VGLL4: variants seen among roughly 807,000 people sequenced by gnomAD.
VGLL4 encodes the protein transcription cofactor vestigial-like protein 4.
Under a neutral mutation model 21.0 loss-of-function variants are expected in VGLL4, and 7 were observed. The ratio of observed to expected loss-of-function variants is 0.33; its 90% CI spans 0.19 to 0.63. The LOEUF is 0.63. Among genes scored for constraint, VGLL4 ranks in the 20% least tolerant of loss-of-function variants. VGLL4 has a pLI of 0.78. For synonymous variants in VGLL4, 222 were observed against 173.2 expected (o/e 1.28, Z -2.21); for missense variants, 394 against 425.7 (o/e 0.93, Z 0.66).
intron 2 of VGLL4, among the ~76,000 whole-genome samples, chr3:11,662,026 G>A (rs891150913): frequency 6.6e-6 from 1 of 152,226 alleles, no homozygotes; most frequent in Non-Finnish European, 1.5e-5. Flanking sequence ...ATTGGCTCAA[G>A]AAGGAGCACA....
Position 11,559,539 on chromosome 3 carries a change from G to A in VGLL4, c.496-84C>T, listed in dbSNP as rs988317011. 3.6e-5 allele frequency: 51 copies of A among 1,434,438 alleles called. No individual in the cohort carries two copies. In the African/African-American group the frequency reaches 7.0e-4, roughly 20 times the overall value. 88.9% of individuals were successfully genotyped at this position (1,434,438 alleles called of 1,614,324 possible). On this transcript the variant is annotated intron_variant, in intron 3 of 4. Coordinates refer to ENST00000430365, the MANE Select transcript of VGLL4 (RefSeq NM_001128219.3). ...TGGGGCCCTCCCCAGCACCCTTCAG[G>A]CTCTGTCCTGGTGCCCTTCCTGACC...
chr3:11,674,366 A>C (rs2076260485), intron 2 of VGLL4, among the ~76,000 whole-genome samples: 1 of 152,182 alleles, frequency 6.6e-6, no homozygotes, highest in African/African-American at 2.4e-5. Flanking sequence ...CAGACACGGA[A>C]CTGCGGCTAG....
At chr3:11,645,709 C>A (rs938430454), upstream of VGLL4, among the ~76,000 whole-genome samples, 62 of 151,758 alleles carry the variant, frequency 4.1e-4, no homozygotes, top group African/African-American at 1.5e-3. Context: ...CGGTGGCTCA[C>A]GCGTGTAATC....
At position 11,714,906 on chromosome 3, in the gene VGLL4, C is replaced by T. The variant is rs369447444; in HGVS notation, c.-14+5488G>A. ...ACCCCAGCAGTTTGGGAGGCTGAGG[C>T]GGGCGGATCACGAGGTCAGGAGATC... On this transcript the variant is annotated intron_variant, in intron 1 of 5. Coordinates refer to the VGLL4 transcript ENST00000273038. 1.4e-4 allele frequency among the ~76,000 whole-genome samples: 22 copies of T among 152,092 alleles called. No homozygotes were observed. In the South Asian group the frequency reaches 2.1e-3, roughly 14 times the overall value.
intron 2 of VGLL4, among the ~76,000 whole-genome samples, chr3:11,680,172 G>A (rs558176532): frequency 1.3e-5 from 2 of 152,316 alleles, no homozygotes; most frequent in South Asian, 2.1e-4. Flanking sequence ...CACAGCCTAG[G>A]TGTGCAGTGG....
rs1474063169 is a variant in VGLL4, at chr3:11,568,979, A to G, written c.273-3960T>C. The G allele has an allele frequency of 2.6e-5, 30 of 1,153,556 alleles. No individual in the cohort carries two copies. In the East Asian group the frequency reaches 1.7e-3, roughly 67 times the overall value. 71.5% of individuals were successfully genotyped at this position (1,153,556 alleles called of 1,614,324 possible). On this transcript the variant is annotated intron_variant, in intron 2 of 4. Coordinates refer to ENST00000430365, the MANE Select transcript of VGLL4 (RefSeq NM_001128219.3). This position sits in a 1 kb window ranked among gnomAD's most constrained non-coding sequence, Gnocchi z 5.9. ...ATGGAAAGAGGAGGGAGGGAAAGAG[A>G]GGCCTACAACACCATCATCCAGGAC...
intron 1 of VGLL4, among the ~76,000 whole-genome samples, chr3:11,602,703 A>G (rs1165961100): frequency 1.3e-5 from 2 of 152,196 alleles, no homozygotes; most frequent in Non-Finnish European, 2.9e-5. Context: ...TTTCGAAGTT[A>G]GGCAATCAAA....
At chr3:11,684,768 G>A (rs929224392) in intron 2 of VGLL4, among the ~76,000 whole-genome samples, 4 of 118,956 alleles carry the variant, frequency 3.4e-5, no homozygotes, top group Non-Finnish European at 7.8e-5. Context: ...AAACAGAAAA[G>A]TAAAATTTCT....
At chr3:11,577,223 CT>C (rs1389737511) in intron 2 of VGLL4, among the ~76,000 whole-genome samples, 1 of 152,238 alleles carries the variant, frequency 6.6e-6, no homozygotes, top group East Asian at 1.9e-4. Flanking sequence ...GCACTGTCAT[CT>C]TTCAAAATTT....
intron 3 of VGLL4, among the ~76,000 whole-genome samples, chr3:11,562,408 C>T (rs1240481726): frequency 6.6e-6 from 1 of 152,214 alleles, no homozygotes; most frequent in East Asian, 1.9e-4. Flanking sequence ...AGGAAGGCTT[C>T]CACCGTGCCC....
chr3:11,641,041 C>A (rs12638744), intron 1 of VGLL4, among the ~76,000 whole-genome samples: 1 of 149,746 alleles, frequency 6.7e-6, no homozygotes, highest in African/African-American at 2.5e-5. Context: ...GGCTTGAACC[C>A]GGGAGGCAGA....
chr3:11,721,570 C>G (rs1377893116), upstream of VGLL4, among the ~76,000 whole-genome samples: 1 of 152,208 alleles, frequency 6.6e-6, no homozygotes, highest in Non-Finnish European at 1.5e-5. Context: ...TACATAGACT[C>G]CGTTTTAGTC....
intron 1 of VGLL4, among the ~76,000 whole-genome samples, chr3:11,633,884 G>A (rs999071878): frequency 6.6e-6 from 1 of 152,084 alleles, no homozygotes. Flanking sequence ...GAGGTAAGCC[G>A]GAATGATATT....
At chr3:11,637,278 T>G (rs555427166) in intron 1 of VGLL4, among the ~76,000 whole-genome samples, 1 of 152,244 alleles carries the variant, frequency 6.6e-6, no homozygotes. Flanking sequence ...CTTTTCTGTA[T>G]GTATATTTCA....
At chr3:11,681,154 G>C (rs1222004201) in intron 2 of VGLL4, among the ~76,000 whole-genome samples, 1 of 152,214 alleles carries the variant, frequency 6.6e-6, no homozygotes, top group African/African-American at 2.4e-5. Context: ...CTGGAGTGCA[G>C]TGGCGCGATC....
At chr3:11,614,018 T>G (rs2075112422) in intron 1 of VGLL4, among the ~76,000 whole-genome samples, 1 of 152,204 alleles carries the variant, frequency 6.6e-6, no homozygotes, top group Non-Finnish European at 1.5e-5. Flanking sequence ...CTGCCTGACT[T>G]TCTATGACTG....
chr3:11,685,288 T>C (rs2076431254), intron 2 of VGLL4, among the ~76,000 whole-genome samples: 1 of 149,544 alleles, frequency 6.7e-6, no homozygotes, highest in African/African-American at 2.5e-5. Context: ...AACCTCTGCC[T>C]CCCAGGTTCA....
At chr3:11,564,694 C>A in intron 3 of VGLL4, 103 bp downstream of exon 3, 1 of 1,388,712 alleles carries the variant, frequency 7.2e-7, no homozygotes, top group South Asian at 1.3e-5. Context: ...CACCACCTCC[C>A]TCCCTCACCA....
chr3:11,704,742 G>T (rs2076735510), intron 1 of VGLL4, among the ~76,000 whole-genome samples: 1 of 152,222 alleles, frequency 6.6e-6, no homozygotes, highest in Non-Finnish European at 1.5e-5. Flanking sequence ...GGGACAGAAA[G>T]CCCTGTACAC....
Sources: gnomAD v4.1 joint callset for allele counts (sites outside exome capture counted in the v4.1 genomes callset) on GRCh38, gnomAD v4.1.1 for gene constraint, Gnocchi (gnomAD v3.1) non-coding constraint, MANE v1.5 for transcripts, NCBI Gene and HGNC (gene_info 2026-07-23, HGNC 2026-07-21) for gene names.